Variants in EPHA5 observed in about 807,000 individuals in gnomAD.
EPHA5 encodes ephrin type-A receptor 5.
A neutral mutation model predicts 105.0 loss-of-function variants in EPHA5; 60 were observed. That is an observed-to-expected ratio of 0.57 (90% CI 0.46 to 0.71). EPHA5 has a LOEUF of 0.71. Ranked by LOEUF, EPHA5 falls within the 30% of genes least tolerant of loss-of-function variation. EPHA5 has a pLI of 0.00. For missense variants in EPHA5, 1,218 were observed against 1,274.7 expected (o/e 0.96, Z 0.68); for synonymous variants, 513 against 449.1 (o/e 1.14, Z -1.80).
chr4:65,424,220 A>T (rs1724205954), intron 5 of EPHA5, among the ~76,000 whole-genome samples: 1 of 151,996 alleles, frequency 6.6e-6, no homozygotes, highest in Admixed American at 6.6e-5. Flanking sequence ...TGACACAAAC[A>T]ATGATATCAA....
At chr4:65,552,066 C>T (rs1398435831) in intron 3 of EPHA5, among the ~76,000 whole-genome samples, 10 of 152,130 alleles carry the variant, frequency 6.6e-5, no homozygotes, top group South Asian at 2.1e-4. Flanking sequence ...AGTGATAGCA[C>T]GTTTTCATTC....
intron 7 of EPHA5, among the ~76,000 whole-genome samples, chr4:65,405,469 C>A (rs1405704726): frequency 2.6e-5 from 4 of 152,038 alleles, no homozygotes; most frequent in Admixed American, 2.0e-4. Context: ...CAACCCCATA[C>A]CAGATGTTGG....
intron 16 of EPHA5, chr4:65,330,652 A>T: frequency 1.6e-6 from 1 of 639,136 alleles, no homozygotes; most frequent in South Asian, 7.4e-5. Context: ...ATGACAAATG[A>T]CTTTAATAAA....
chr4:65,578,328 G>C (rs1741272318), intron 3 of EPHA5, among the ~76,000 whole-genome samples: 1 of 152,112 alleles, frequency 6.6e-6, no homozygotes, highest in Admixed American at 6.6e-5. Context: ...TAAAAAAAAT[G>C]ATGGTTATGG....
At chr4:65,630,412 C>T (rs1560795593) in intron 2 of EPHA5, among the ~76,000 whole-genome samples, 1 of 152,118 alleles carries the variant, frequency 6.6e-6, no homozygotes, top group Non-Finnish European at 1.5e-5. Context: ...GTGCATGAGG[C>T]CCCTCTCAAG....
Position 65,365,967 on chromosome 4 carries a change from G to A in EPHA5, c.1952C>T (p.Ala651Val). The A allele has an allele frequency of 6.2e-7, 1 of 1,608,850 alleles. No homozygotes were observed. The highest frequency in any genetic ancestry group is 8.5e-7 in the Non-Finnish European group (1 of 1,176,348). ...AACTCTCTCAATGGTGATACATGAT[G>A]CTTCTATCTCCTTAGCAAATTCGTG... is the stretch of plus-strand genomic sequence containing the variant. The part of the protein sequence containing the change: ...AVHEFAKEIE[A>V]SCITIERVIG... Residue 651 changes from alanine to valine, a missense_variant, in exon 10 of 17, where the codon GCA (alanine) becomes GTA (valine). By Grantham distance (64) the Ala-to-Val change is moderately conservative. Transcript: ENST00000613740.
chr4:65,597,463 A>AT (rs1286823897), intron 3 of EPHA5, among the ~76,000 whole-genome samples: 1 of 147,594 alleles, frequency 6.8e-6, no homozygotes, highest in Non-Finnish European at 1.5e-5. Flanking sequence ...TTTACTAAAA[A>AT]AAAAAAGTCT....
intron 5 of EPHA5, among the ~76,000 whole-genome samples, chr4:65,465,531 A>AAAGAAAGAAAGAAAGAAAG (rs1560567523): frequency 1.3e-5 from 1 of 78,246 alleles, no homozygotes; most frequent in Admixed American, 1.7e-4. Flanking sequence ...AAGAAAGAAA[A>AAAGAAAGAAAGAAAGAAAG]GAAAGGAAAG....
intron 3 of EPHA5, among the ~76,000 whole-genome samples, chr4:65,546,092 T>C (rs1405663758): frequency 1.3e-5 from 2 of 151,976 alleles, no homozygotes; most frequent in African/African-American, 4.8e-5. Flanking sequence ...TTGACACATG[T>C]GCTTTCATTG....
At chr4:65,367,575 A>G (rs1560460591) in intron 8 of EPHA5, 151 bp from the exon 9 acceptor site, 1 of 670,474 alleles carries the variant, frequency 1.5e-6, no homozygotes, top group Middle Eastern at 2.5e-4. Flanking sequence ...AGTAGTTTGG[A>G]TGAGACCTAT....
intron 16 of EPHA5, among the ~76,000 whole-genome samples, chr4:65,325,900 C>T (rs984914624): frequency 1.3e-5 from 2 of 150,806 alleles, no homozygotes; most frequent in Admixed American, 6.7e-5. Flanking sequence ...CACTATATAC[C>T]AGAAGCACTG....
rs71612720 is a variant in EPHA5 at position 65,444,072 on chromosome 4, G to A, written c.1403-23507C>T. Among the ~76,000 whole-genome samples, 757 of 152,302 alleles carry A rather than the reference G, an allele frequency of 5.0e-3. 4 individuals carry two copies. Among genetic ancestry groups the A allele is most frequent in the Non-Finnish European group, 8.1e-3 (553 of 68,032 alleles). On this transcript the variant is annotated intron_variant, in intron 5 of 16. Transcript: ENST00000613740. ...TTTGAAAGGCTGATATAGTGGACCT[G>A]TGTACTTATATAGTAATTTTACTAA...
At chr4:65,615,945 G>T (rs542492791) in intron 2 of EPHA5, among the ~76,000 whole-genome samples, 4 of 151,860 alleles carry the variant, frequency 2.6e-5, no homozygotes, top group Admixed American at 2.6e-4. Context: ...ATCTATACCT[G>T]GTAAATAACA....
At chr4:65,437,495 A>G (rs796226681) in intron 5 of EPHA5, among the ~76,000 whole-genome samples, 3 of 152,200 alleles carry the variant, frequency 2.0e-5, no homozygotes, top group African/African-American at 7.2e-5. Flanking sequence ...TTTATTAGAT[A>G]ATAATGTACA....
chr4:65,531,638 C>T (rs1302327388), intron 3 of EPHA5, among the ~76,000 whole-genome samples: 1 of 150,986 alleles, frequency 6.6e-6, no homozygotes, highest in Non-Finnish European at 1.5e-5. Flanking sequence ...GATGTCTTTG[C>T]AGAATGACAA....
intron 8 of EPHA5, among the ~76,000 whole-genome samples, chr4:65,401,792 T>C (rs1383001425): frequency 6.6e-6 from 1 of 151,832 alleles, no homozygotes; most frequent in African/African-American, 2.4e-5. Context: ...AAAATTAAGC[T>C]ATGTGTTTTG....
chr4:65,413,552 C>A (rs980652381), intron 7 of EPHA5, among the ~76,000 whole-genome samples: 1 of 151,900 alleles, frequency 6.6e-6, no homozygotes, highest in African/African-American at 2.4e-5. Flanking sequence ...ATTACTAGTT[C>A]TTATGTAACT....
At chr4:65,501,485 C>T (rs543171946) in intron 3 of EPHA5, among the ~76,000 whole-genome samples, 10 of 151,210 alleles carry the variant, frequency 6.6e-5, no homozygotes, top group Non-Finnish European at 3.0e-5. Flanking sequence ...AGAGCCAAAT[C>T]GAGAATGCCC....
At chr4:65,414,922 A>G (rs1723249650) in intron 6 of EPHA5, among the ~76,000 whole-genome samples, 1 of 152,182 alleles carries the variant, frequency 6.6e-6, no homozygotes, top group Non-Finnish European at 1.5e-5. Context: ...TTTAGTTCTT[A>G]AGGTAAGAAA....
Sources: gnomAD v4.1 joint callset for allele counts (sites outside exome capture counted in the v4.1 genomes callset) on GRCh38, gnomAD v4.1.1 for gene constraint, MANE v1.5 for transcripts, NCBI Gene and HGNC (gene_info 2026-07-23, HGNC 2026-07-21) for gene names.